Variants in PCDHA8 observed in about 807,000 individuals in gnomAD.
PCDHA8 encodes the protein protocadherin alpha-8.
In PCDHA8, 53 loss-of-function variants were observed where a neutral mutation model predicts 61.8. That is an observed-to-expected ratio of 0.86 (90% confidence interval 0.69 to 1.08). The LOEUF (loss-of-function observed/expected upper bound fraction) is 1.08. Ranked by LOEUF, PCDHA8 falls within the 50% of genes least tolerant of loss-of-function variation. The pLI is 0.00. For synonymous variants in PCDHA8, 618 were observed against 556.6 expected, an observed-to-expected ratio of 1.11 and a Z score of -1.55; for missense variants, 1,293 against 1,245.0, an observed-to-expected ratio of 1.04 and a Z score of -0.58.
chr5:140,850,831 G>T, intron 1 of PCDHA8: 7 of 1,598,198 alleles, frequency 4.4e-6, no homozygotes, highest in Non-Finnish European at 6.0e-6. Flanking sequence ...CTTTCTCCTT[G>T]TGCTGGATCT....
chr5:140,982,441 T>G (rs368663739), intron 2 of PCDHA8, 34 bp from the exon 3 acceptor site: 18 of 1,613,728 alleles, frequency 1.1e-5, no homozygotes, highest in Non-Finnish European at 1.5e-5. Flanking sequence ...GAATTTATGA[T>G]CTAACCGTTA....
chr5:140,858,438 T>C (rs1175682550), intron 1 of PCDHA8: 1 of 1,540,812 alleles, frequency 6.5e-7, no homozygotes, highest in Admixed American at 2.0e-5. Context: ...TCTAGGAAGG[T>C]GGGTTATTAC....
chr5:140,989,788 G>A (rs2097360346), intron 3 of PCDHA8, among the ~76,000 whole-genome samples: 2 of 152,158 alleles, frequency 1.3e-5, no homozygotes, highest in Admixed American at 1.3e-4. Context: ...GAGACTAGAG[G>A]CCCCCAGGAA....
intron 1 of PCDHA8, among the ~76,000 whole-genome samples, chr5:140,844,768 A>T (rs1393126027): frequency 6.7e-6 from 1 of 149,242 alleles, no homozygotes; most frequent in African/African-American, 2.5e-5. Context: ...AAAATCCAAG[A>T]TACTTTATTT....
In PCDHA8 at chr5:140,888,521, C is replaced by T. The variant is rs191011552; in HGVS notation, c.2394+44806C>T. ...TAAAGAGTCTTGGACTTAGTTCTGACGTGAAGTTAAGTTGCTCAGTACCAA... is the reference window on the plus strand; with the variant it reads ...TAAAGAGTCTTGGACTTAGTTCTGATGTGAAGTTAAGTTGCTCAGTACCAA... On this transcript the variant is annotated intron_variant, in intron 1 of 3. Transcript: ENST00000531613. Among the ~76,000 whole-genome samples, 432 of 152,260 alleles carry T rather than the reference C, an allele frequency of 2.8e-3. 2 individuals carry two copies. The highest frequency in any genetic ancestry group is 0.014 in the Middle Eastern group (4 of 292).
intron 1 of PCDHA8, chr5:140,875,638 C>G (rs2055668574): frequency 6.2e-7 from 1 of 1,613,532 alleles, no homozygotes; most frequent in Non-Finnish European, 8.5e-7. Context: ...GGGGCTGGAG[C>G]TGGCGGAGCT....
chr5:140,928,234 C>T lies in PCDHA8; in HGVS notation c.2395-50715C>T, dbSNP rs1319421246. The T allele has an allele frequency of 4.3e-6, 7 of 1,614,096 alleles. No homozygotes were observed. In the African/African-American group the frequency reaches 8.0e-5, roughly 18 times the overall value. On this transcript the variant is annotated intron_variant, in intron 1 of 3. Transcript: ENST00000531613. ...TGACAATACACCAAACTTTCCTCAA[C>T]CCCAGCAGGAACTTTTCGTTGCTGA...
At chr5:140,951,034 A>G (rs1407307131) in intron 1 of PCDHA8, among the ~76,000 whole-genome samples, 1 of 151,932 alleles carries the variant, frequency 6.6e-6, no homozygotes, top group African/African-American at 2.4e-5. Context: ...TTAATTTCAA[A>G]TATTATATTT....
chr5:140,903,721 C>T (rs2070530222), intron 1 of PCDHA8, among the ~76,000 whole-genome samples: 1 of 152,152 alleles, frequency 6.6e-6, no homozygotes, highest in African/African-American at 2.4e-5. Flanking sequence ...ACAATTCTCC[C>T]TATTATCAAT....
chr5:140,851,679 C>A, intron 1 of PCDHA8: 1 of 915,664 alleles, frequency 1.1e-6, no homozygotes, highest in Non-Finnish European at 1.3e-6. Context: ...AAATTTTCTC[C>A]ATTCAGTGAT....
intron 1 of PCDHA8, chr5:140,966,931 C>T: frequency 6.2e-7 from 1 of 1,603,674 alleles, no homozygotes; most frequent in Non-Finnish European, 8.5e-7. Flanking sequence ...AGGCACCCGG[C>T]GCGCTCGTGG....
intron 1 of PCDHA8, chr5:140,927,901 GC>G (rs1423958386): frequency 3.1e-6 from 5 of 1,614,084 alleles, no homozygotes; most frequent in Non-Finnish European, 4.2e-6. Context: ...GAACGATCAT[GC>G]CCCCGAACTG....
chr5:140,954,830 T>TG (rs2095095109), intron 1 of PCDHA8, among the ~76,000 whole-genome samples: 1 of 152,220 alleles, frequency 6.6e-6, no homozygotes, highest in Admixed American at 6.5e-5. Flanking sequence ...GGCACTTTTG[T>TG]CATGAAATCT....
intron 1 of PCDHA8, chr5:140,967,899 C>G: frequency 6.2e-7 from 1 of 1,614,180 alleles, no homozygotes; most frequent in African/African-American, 1.3e-5. Flanking sequence ...CCTGAGAATG[C>G]TACACCCAAC....
intron 1 of PCDHA8, chr5:140,876,694 G>A (rs1196941664): frequency 6.2e-7 from 1 of 1,614,142 alleles, no homozygotes; most frequent in African/African-American, 1.3e-5. Flanking sequence ...CTACTCGTTG[G>A]TGCTGGACAG....
intron 1 of PCDHA8, chr5:140,968,932 A>C: frequency 6.2e-7 from 1 of 1,614,164 alleles, no homozygotes; most frequent in Non-Finnish European, 8.5e-7. Context: ...TTCTTTTGAC[A>C]ATCATCATTT....
At chr5:140,937,323 C>T (rs1350536354) in intron 1 of PCDHA8, among the ~76,000 whole-genome samples, 3 of 152,120 alleles carry the variant, frequency 2.0e-5, no homozygotes, top group African/African-American at 7.2e-5. Flanking sequence ...AGGCGTGAGC[C>T]ACCGCGCCCG....
intron 1 of PCDHA8, among the ~76,000 whole-genome samples, chr5:140,880,929 A>T (rs2058535682): frequency 6.6e-6 from 1 of 152,232 alleles, no homozygotes; most frequent in African/African-American, 2.4e-5. Flanking sequence ...TATGTTAGTA[A>T]AAGTAATGGA....
intron 1 of PCDHA8, among the ~76,000 whole-genome samples, chr5:140,918,164 G>T (rs1156404209): frequency 6.6e-6 from 1 of 152,088 alleles, no homozygotes; most frequent in East Asian, 1.9e-4. Context: ...TATTGTAAAT[G>T]GCATTGTGTT....
Sources: gnomAD v4.1 joint callset for allele counts (sites outside exome capture counted in the v4.1 genomes callset) on GRCh38, gnomAD v4.1.1 for gene constraint, MANE v1.5 for transcripts, NCBI Gene and HGNC (gene_info 2026-07-23, HGNC 2026-07-21) for gene names.